Variants in ZMAT4 observed in about 807,000 individuals in gnomAD.
ZMAT4 encodes the protein zinc finger matrin-type protein 4.
In ZMAT4, 17 loss-of-function variants were observed where a neutral mutation model predicts 28.7. The ratio of observed to expected loss-of-function variants is 0.59; its 90% CI spans 0.41 to 0.89. The LOEUF (loss-of-function observed/expected upper bound fraction) is 0.89. Among genes scored for constraint, ZMAT4 ranks in the 40% least tolerant of loss-of-function variants. The pLI, the probability that ZMAT4 is intolerant of heterozygous loss-of-function variation, is 0.00. For missense variants in ZMAT4, 240 were observed against 283.8 expected, an observed-to-expected ratio of 0.85 and a Z score of 1.11; for synonymous variants, 117 against 109.2, an observed-to-expected ratio of 1.07 and a Z score of -0.44.
At chr8:40,535,931 G>C (rs1234978951) in intron 6 of ZMAT4, among the ~76,000 whole-genome samples, 1 of 152,114 alleles carries the variant, frequency 6.6e-6, no homozygotes, top group Admixed American at 6.6e-5. Context: ...GCAGTCATGG[G>C]CCATGGTTTA....
chr8:40,723,740 T>G (rs1296872368), intron 3 of ZMAT4, among the ~76,000 whole-genome samples: 2 of 152,140 alleles, frequency 1.3e-5, no homozygotes, highest in Admixed American at 6.5e-5. Context: ...AATCAACCAT[T>G]GGAACACAAT....
chr8:40,587,311 T>C (rs1804702261), intron 5 of ZMAT4, among the ~76,000 whole-genome samples: 1 of 152,044 alleles, frequency 6.6e-6, no homozygotes, highest in Non-Finnish European at 1.5e-5. Context: ...GCAACCAGAC[T>C]CAGACTATGG....
At chr8:40,858,479 G>A (rs1228984597) in intron 1 of ZMAT4, among the ~76,000 whole-genome samples, 1 of 152,086 alleles carries the variant, frequency 6.6e-6, no homozygotes, top group East Asian at 1.9e-4. Flanking sequence ...AAGATTGACA[G>A]GTTTAATAAG....
intron 2 of ZMAT4, among the ~76,000 whole-genome samples, chr8:40,813,318 A>C (rs1815402948): frequency 6.6e-6 from 1 of 152,254 alleles, no homozygotes; most frequent in South Asian, 2.1e-4. Context: ...AAAACAAAGA[A>C]GATCCCCAAC....
intron 3 of ZMAT4, among the ~76,000 whole-genome samples, chr8:40,703,679 T>C (rs946839779): frequency 6.6e-6 from 1 of 152,170 alleles, no homozygotes; most frequent in Non-Finnish European, 1.5e-5. Context: ...GTCACACGGC[T>C]CTGTGAATAT....
chr8:40,742,935 A>G (rs1466740799), intron 3 of ZMAT4, among the ~76,000 whole-genome samples: 1 of 152,184 alleles, frequency 6.6e-6, no homozygotes, highest in Non-Finnish European at 1.5e-5. Flanking sequence ...ACATTGTCCC[A>G]GCACGGTGGC....
At chr8:40,636,974 A>G (rs1267945082) in intron 5 of ZMAT4, among the ~76,000 whole-genome samples, 1 of 152,130 alleles carries the variant, frequency 6.6e-6, no homozygotes, top group Non-Finnish European at 1.5e-5. Context: ...TTAAAAAGTA[A>G]TTGCTTCTTT....
At chr8:40,658,932 A>G (rs1175622193) in intron 5 of ZMAT4, among the ~76,000 whole-genome samples, 1 of 152,120 alleles carries the variant, frequency 6.6e-6, no homozygotes, top group African/African-American at 2.4e-5. Flanking sequence ...ATTGTCTTCA[A>G]GTAGATGATT....
intron 2 of ZMAT4, among the ~76,000 whole-genome samples, chr8:40,773,902 T>C (rs1813487589): frequency 6.6e-6 from 1 of 151,778 alleles, no homozygotes; most frequent in Non-Finnish European, 1.5e-5. Context: ...AGAACAAATA[T>C]AATATGGCTT....
intron 3 of ZMAT4, among the ~76,000 whole-genome samples, chr8:40,719,819 C>G (rs1010473444): frequency 6.6e-6 from 1 of 152,130 alleles, no homozygotes; most frequent in Non-Finnish European, 1.5e-5. Context: ...GATCTGCCCC[C>G]CCTCAGCCTC....
At chr8:40,662,661 A>G (rs895409948) in intron 5 of ZMAT4, among the ~76,000 whole-genome samples, 2 of 152,160 alleles carry the variant, frequency 1.3e-5, no homozygotes, top group Non-Finnish European at 2.9e-5. Context: ...ATAGTATGTA[A>G]ACACACGACT....
chr8:40,602,347 G>A (rs1170971092), intron 5 of ZMAT4, among the ~76,000 whole-genome samples: 2 of 152,118 alleles, frequency 1.3e-5, no homozygotes, highest in East Asian at 1.9e-4. Flanking sequence ...AATCTTTTTC[G>A]TATAATAACT....
chr8:40,820,793 G>GTA (rs1483165580), intron 2 of ZMAT4, among the ~76,000 whole-genome samples: 32 of 100,382 alleles, frequency 3.2e-4, no homozygotes, highest in Non-Finnish European at 5.2e-4. Context: ...GTGTGTCTGT[G>GTA]TGTGTATATA....
intron 6 of ZMAT4, among the ~76,000 whole-genome samples, chr8:40,563,892 G>C (rs572495717): frequency 2.0e-5 from 3 of 152,168 alleles, no homozygotes; most frequent in Admixed American, 2.0e-4. Context: ...GGGCCTCTTA[G>C]TTTCCTCCAG....
At chr8:40,838,965 T>G (rs1816600475) in intron 1 of ZMAT4, among the ~76,000 whole-genome samples, 1 of 152,058 alleles carries the variant, frequency 6.6e-6, no homozygotes, top group Non-Finnish European at 1.5e-5. Flanking sequence ...CCTTTCACAT[T>G]CCCAAATAAT....
intron 1 of ZMAT4, among the ~76,000 whole-genome samples, chr8:40,865,677 C>T (rs1817651566): frequency 6.6e-6 from 1 of 152,172 alleles, no homozygotes; most frequent in South Asian, 2.1e-4. Flanking sequence ...CAGAAGAAAA[C>T]TGGAATTTAG....
intron 3 of ZMAT4, among the ~76,000 whole-genome samples, chr8:40,708,904 C>T (rs1218172433): frequency 6.6e-6 from 1 of 151,930 alleles, no homozygotes; most frequent in East Asian, 1.9e-4. Context: ...CCACCTCGGC[C>T]TCCCAAAGTG....
chr8:40,887,042 G>A (rs892374390), intron 1 of ZMAT4, among the ~76,000 whole-genome samples: 2 of 151,814 alleles, frequency 1.3e-5, no homozygotes, highest in African/African-American at 4.8e-5. Flanking sequence ...GTGGTGGCGG[G>A]CGCCTGTAGT....
intron 1 of ZMAT4, among the ~76,000 whole-genome samples, chr8:40,850,274 C>T (rs915427934): frequency 2.0e-4 from 30 of 152,134 alleles, no homozygotes; most frequent in South Asian, 4.1e-4. Flanking sequence ...GTGAGCCCCA[C>T]CCAATCTGCA....
Sources: gnomAD v4.1 joint callset for allele counts (sites outside exome capture counted in the v4.1 genomes callset) on GRCh38, gnomAD v4.1.1 for gene constraint, MANE v1.5 for transcripts, NCBI Gene and HGNC (gene_info 2026-07-23, HGNC 2026-07-21) for gene names.